ZNF471: variants seen among roughly 807,000 people sequenced by gnomAD.
ZNF471 encodes EZFIT-related protein 1.
Under a neutral mutation model 13.7 loss-of-function variants are expected in ZNF471, and 7 were observed. The observed-to-expected ratio is 0.51, with a 90% CI of 0.29 to 0.96. The LOEUF (loss-of-function observed/expected upper bound fraction) is 0.96. Among genes scored for constraint, ZNF471 ranks in the 40% least tolerant of loss-of-function variants. ZNF471 has a pLI of 0.08. For synonymous variants in ZNF471, 218 were observed against 235.6 expected, an observed-to-expected ratio of 0.93 and a Z score of 0.68; for missense variants, 663 against 743.3, an observed-to-expected ratio of 0.89 and a Z score of 1.26.
At chr19:56,513,525 T>A (rs567212291) in intron 2 of ZNF471, among the ~76,000 whole-genome samples, 6 of 152,338 alleles carry the variant, frequency 3.9e-5, no homozygotes, top group African/African-American at 1.2e-4. Flanking sequence ...AATCTCCTGT[T>A]AAGCCCATAA....
intron 3 of ZNF471, among the ~76,000 whole-genome samples, chr19:56,518,123 C>G (rs1207240910): frequency 6.6e-6 from 1 of 152,102 alleles, no homozygotes; most frequent in East Asian, 1.9e-4. Flanking sequence ...TGTAGAGCCT[C>G]TGGATTCTGT....
chr19:56,510,422 A>G lies in ZNF471; in HGVS notation c.-55-1095A>G. ...GTGTTATCCAAAAGGCTTTACAAATATAACCTCTGTGAGGTTGTGAAGCAT... is the reference window on the plus strand; with the variant it reads ...GTGTTATCCAAAAGGCTTTACAAATGTAACCTCTGTGAGGTTGTGAAGCAT... On this transcript the variant is annotated intron_variant, in intron 1 of 4. Transcript: ENST00000308031. This position sits in a 1 kb window ranked among gnomAD's most constrained non-coding sequence, Gnocchi z 4.3. 1.0e-6 allele frequency: 1 copy of G among 985,610 alleles called. No homozygotes were observed. Among genetic ancestry groups the G allele is most frequent in the South Asian group, 4.7e-5 (1 of 21,292 alleles). 61.1% of individuals were successfully genotyped at this position (985,610 alleles called of 1,614,324 possible).
chr19:56,511,093 T>G, intron 1 of ZNF471: 1 of 846,476 alleles, frequency 1.2e-6, no homozygotes, highest in East Asian at 1.2e-4. Context: ...CCTTTTTCTT[T>G]TGTTTTTTTT....
intron 4 of ZNF471, among the ~76,000 whole-genome samples, chr19:56,521,228 C>T: frequency 6.6e-6 from 1 of 152,130 alleles, no homozygotes; most frequent in East Asian, 1.9e-4. Context: ...CAATAAGCTA[C>T]CCACTATGTG....
intron 4 of ZNF471, among the ~76,000 whole-genome samples, chr19:56,520,911 G>A (rs573630388): frequency 2.4e-3 from 369 of 152,326 alleles, no homozygotes; most frequent in Non-Finnish European, 3.7e-3. Flanking sequence ...CTGAGACTGG[G>A]TAGTTTATAA....
chr19:56,511,090 C>T (rs370064072), intron 1 of ZNF471: 3 of 847,934 alleles, frequency 3.5e-6, no homozygotes, highest in Non-Finnish European at 4.2e-6. Flanking sequence ...TTTCCTTTTT[C>T]TTTTGTTTTT....
chr19:56,525,887 C>T lies in ZNF471; in HGVS notation c.1820C>T (p.Ala607Val), dbSNP rs749038385. Residue 607 changes from alanine to valine, a missense_variant, in exon 5 of 5, where the codon GCG (alanine) becomes GTG (valine). Coordinates refer to ENST00000308031, the MANE Select transcript of ZNF471 (RefSeq NM_020813.4). ...TATCAGTGTTTTGAATGTGGGAAGGCGTTCAGAAGAAAGTTATCCTTAATT... is the reference window on the plus strand; with the variant it reads ...TATCAGTGTTTTGAATGTGGGAAGGTGTTCAGAAGAAAGTTATCCTTAATT... ...RPYQCFECGK[A>V]FRRKLSLICH... The T allele has an allele frequency of 1.3e-5, 20 of 1,590,646 alleles. No individual in the cohort carries two copies. Among genetic ancestry groups the T allele is most frequent in the Middle Eastern group, 1.7e-4 (1 of 5,916 alleles).
At chr19:56,521,651 A>AC (rs1476076217) in intron 4 of ZNF471, among the ~76,000 whole-genome samples, 7 of 146,256 alleles carry the variant, frequency 4.8e-5, no homozygotes, top group African/African-American at 1.0e-4. Flanking sequence ...AAAAAAAAAA[A>AC]AAAAAAAACT....
chr19:56,524,446 T>TG lies in ZNF471; in HGVS notation c.382dup (p.Glu128GlyfsTer5), dbSNP rs1200024762. 6.2e-7 allele frequency: 1 copy of TG among 1,613,824 alleles called. No homozygotes were observed. Among genetic ancestry groups the TG allele is most frequent in the Non-Finnish European group, 8.5e-7 (1 of 1,179,934 alleles). On this transcript the variant is annotated frameshift_variant, in exon 5 of 5. Coordinates refer to ENST00000308031, the MANE Select transcript of ZNF471 (RefSeq NM_020813.4). LOFTEE classifies it low-confidence loss of function (END_TRUNC). The surrounding 1 kb of genome is among the most constrained non-coding windows in gnomAD (Gnocchi z 4.8). Reference sequence around the variant, plus strand: ...TTCCACTTTTGAAGAAAATTGGAAATGGGAAGACCTTTTTGAGAAGCAGAT... The same window carrying TG: ...TTCCACTTTTGAAGAAAATTGGAAATGGGGAAGACCTTTTTGAGAAGCAGAT...
Position 56,510,731 on chromosome 19 carries a change from A to G in ZNF471, c.-55-786A>G. 1.0e-6 allele frequency: 1 copy of G among 985,448 alleles called. No individual in the cohort carries two copies. Among genetic ancestry groups the G allele is most frequent in the Middle Eastern group, 5.2e-4 (1 of 1,916 alleles). The allele number at this position is 985,448 out of a possible 1,614,324, so 61.0% of individuals were successfully genotyped here. A position where few individuals can be genotyped will look rare whatever the true frequency, so the allele number is the denominator to read the frequency against. ...TGGAGAGACTACTTGGAAGATTGAT[A>G]GGATTGGATTCTTTATGAGTGTGGC... On this transcript the variant is annotated intron_variant, in intron 1 of 4. Coordinates refer to ENST00000308031, the MANE Select transcript of ZNF471 (RefSeq NM_020813.4). This position sits in a 1 kb window ranked among gnomAD's most constrained non-coding sequence, Gnocchi z 4.3.
At position 56,528,136 on chromosome 19, in the gene ZNF471, C is replaced by T. The variant is rs2044069491; in HGVS notation, c.*2188C>T. On this transcript the variant is annotated 3_prime_UTR_variant, in exon 5 of 5. Coordinates refer to ENST00000308031, the MANE Select transcript of ZNF471 (RefSeq NM_020813.4). ...AAAAGTCCTCACATTCAATGGGTTG[C>T]ATACCCATGAATTCTAAAACTTCAT... 1 of 152,172 alleles carries T rather than the reference C, an allele frequency of 6.6e-6. No homozygotes were observed. Among genetic ancestry groups the T allele is most frequent in the Non-Finnish European group, 1.5e-5 (1 of 68,022 alleles). The allele number at this position is 152,172 out of a possible 1,614,324, so 9.4% of individuals were successfully genotyped here. A position where few individuals can be genotyped will look rare whatever the true frequency, so the allele number is the denominator to read the frequency against.
intron 2 of ZNF471, among the ~76,000 whole-genome samples, chr19:56,515,159 A>G (rs1469548825): frequency 6.6e-6 from 1 of 152,182 alleles, no homozygotes; most frequent in East Asian, 1.9e-4. Context: ...GGTAGTATAT[A>G]TACTAGATTA....
chr19:56,524,205 C>A lies in ZNF471; in HGVS notation c.257-119C>A. 1.4e-6 allele frequency: 1 copy of A among 701,262 alleles called. No individual in the cohort carries two copies. The highest frequency in any genetic ancestry group is 2.2e-6 in the Non-Finnish European group (1 of 445,142). 43.4% of individuals were successfully genotyped at this position (701,262 alleles called of 1,614,324 possible). On this transcript the variant is annotated intron_variant, in intron 4 of 4. Coordinates refer to ENST00000308031, the MANE Select transcript of ZNF471 (RefSeq NM_020813.4). This position sits in a 1 kb window ranked among gnomAD's most constrained non-coding sequence, Gnocchi z 4.8. ...CCCTGAATGTTTTCCAGTTGACATG[C>A]CTGTACATAACAGGTTTTGTGAGAT...
At chr19:56,520,593 TGGTGGTA>T (rs980123542) in intron 4 of ZNF471, among the ~76,000 whole-genome samples, 5 of 152,214 alleles carry the variant, frequency 3.3e-5, no homozygotes, top group Non-Finnish European at 7.3e-5. Context: ...TCTAGAGTGC[TGGTGGTA>T]GGTGGGGACC....
Position 56,510,598 on chromosome 19 carries a change from G to T in ZNF471, c.-55-919G>T, listed in dbSNP as rs909167663. 1.0e-6 allele frequency: 1 copy of T among 985,604 alleles called. No individual in the cohort carries two copies. The highest frequency in any genetic ancestry group is 1.2e-6 in the Non-Finnish European group (1 of 830,026). 61.1% of individuals were successfully genotyped at this position (985,604 alleles called of 1,614,324 possible). Reference sequence around the variant, plus strand: ...GAAATGTGACTGTGTATATGTGCTTGTTTTGGGGTGCTTGTGATTGTGTCC... The same window carrying T: ...GAAATGTGACTGTGTATATGTGCTTTTTTTGGGGTGCTTGTGATTGTGTCC... On this transcript the variant is annotated intron_variant, in intron 1 of 4. Transcript: ENST00000308031. This position sits in a 1 kb window ranked among gnomAD's most constrained non-coding sequence, Gnocchi z 4.3.
intron 4 of ZNF471, among the ~76,000 whole-genome samples, chr19:56,523,208 G>A (rs1223362152): frequency 6.6e-6 from 1 of 152,098 alleles, no homozygotes; most frequent in African/African-American, 2.4e-5. Flanking sequence ...GTAAAACCCT[G>A]TTAAGCAGTG....
chr19:56,518,535 C>T lies in ZNF471; in HGVS notation c.214C>T (p.Pro72Ser). 1 of 1,613,542 alleles carries T rather than the reference C, an allele frequency of 6.2e-7. No homozygotes were observed. Among genetic ancestry groups the T allele is most frequent in the Non-Finnish European group, 8.5e-7 (1 of 1,179,786 alleles). The change falls in exon 4 of 5, where the codon CCT (proline) becomes TCT (serine). Residue 72 changes from proline (P) to serine (S), a missense_variant. By Grantham distance (74) the Pro-to-Ser change is moderately conservative. Coordinates refer to ENST00000308031, the MANE Select transcript of ZNF471 (RefSeq NM_020813.4). ...VISLLEQGRE[P>S]WEMTSEMTRS... ...CTCCTTATTGGAGCAAGGGAGAGAGCCTTGGGAGATGACGAGTGAGATGAC... is the reference window on the plus strand; with the variant it reads ...CTCCTTATTGGAGCAAGGGAGAGAGTCTTGGGAGATGACGAGTGAGATGAC...
At position 56,529,781 on chromosome 19, in the gene ZNF471, T is replaced by G. The variant is rs547474222; in HGVS notation, c.*3833T>G. The G allele has an allele frequency of 6.6e-6, 1 of 152,348 alleles. No homozygotes were observed. The highest frequency in any genetic ancestry group is 2.1e-4 in the South Asian group (1 of 4,828). The allele number at this position is 152,348 out of a possible 1,614,324, so 9.4% of individuals were successfully genotyped here. A position where few individuals can be genotyped will look rare whatever the true frequency, so the allele number is the denominator to read the frequency against. On this transcript the variant is annotated 3_prime_UTR_variant, in exon 5 of 5. Coordinates refer to ENST00000308031, the MANE Select transcript of ZNF471 (RefSeq NM_020813.4). ...AACCAGCAGAAATTTTATGTGAATGTGAAGTTTGGATAATATCCAGTATTG... is the reference window on the plus strand; with the variant it reads ...AACCAGCAGAAATTTTATGTGAATGGGAAGTTTGGATAATATCCAGTATTG...
rs572795463 is a variant in ZNF471 at position 56,513,131 on chromosome 19, A to C, written c.33+1527A>C. On this transcript the variant is annotated intron_variant, in intron 2 of 4. Transcript: ENST00000308031. Reference sequence around the variant, plus strand: ...CCCCTCCAATTTGCCCTATAGAAGTAAGTTGGGATCTCCACAATACAACTT... The same window carrying C: ...CCCCTCCAATTTGCCCTATAGAAGTCAGTTGGGATCTCCACAATACAACTT... Among the ~76,000 whole-genome samples the C allele has an allele frequency of 5.9e-5, 9 of 152,252 alleles. No homozygotes were observed. In the East Asian group the frequency reaches 1.5e-3, roughly 26 times the overall value.
Sources: allele counts gnomAD v4.1 joint callset (sites outside exome capture counted in the v4.1 genomes callset), GRCh38; gene constraint gnomAD v4.1.1; non-coding constraint Gnocchi (gnomAD v3.1); transcripts MANE v1.5; gene names NCBI Gene and HGNC (gene_info 2026-07-23, HGNC 2026-07-21).